TMEM255B: variants seen among roughly 807,000 people sequenced by gnomAD.
The protein encoded by TMEM255B is transmembrane protein 255B, also known as family with sequence similarity 70, member B.
A neutral mutation model predicts 34.5 loss-of-function variants in TMEM255B; 35 were observed. The ratio of observed to expected loss-of-function variants is 1.01; its 90% CI spans 0.77 to 1.34. The LOEUF is 1.34. TMEM255B is among the 40% of genes most tolerant of loss of function. The pLI, the probability that TMEM255B is intolerant of heterozygous loss-of-function variation, is 0.00. For missense variants in TMEM255B, 432 were observed against 433.2 expected (o/e 1.00, Z 0.02); for synonymous variants, 206 against 201.2 (o/e 1.02, Z -0.20).
chr13:113,800,595 C>T (rs899099852), intron 5 of TMEM255B, among the ~76,000 whole-genome samples: 11 of 152,112 alleles, frequency 7.2e-5, no homozygotes, highest in Non-Finnish European at 1.3e-4. Context: ...CTCTGAGCCC[C>T]GATTATCCGG....
Position 113,797,261 on chromosome 13 carries a change from G to A in TMEM255B, c.342+2024G>A, listed in dbSNP as rs543859781. On this transcript the variant is annotated intron_variant, in intron 4 of 8. Transcript: ENST00000375353. ...GGCCTCCCAGGGCTGACTTTAGGAC[G>A]GATGCGCAGACAGCACTCACTGGAG... Among the ~76,000 whole-genome samples the A allele has an allele frequency of 7.9e-5, 12 of 152,376 alleles. No individual in the cohort carries two copies. In the East Asian group the frequency reaches 9.7e-4, roughly 12 times the overall value.
At chr13:113,764,657 C>G (rs1056715715) in intron 1 of TMEM255B, among the ~76,000 whole-genome samples, 1 of 152,216 alleles carries the variant, frequency 6.6e-6, no homozygotes, top group Non-Finnish European at 1.5e-5. Context: ...CAGCGTGTGC[C>G]TCTGTCTGTC....
At chr13:113,793,553 G>A (rs1402323496) in intron 3 of TMEM255B, among the ~76,000 whole-genome samples, 1 of 152,288 alleles carries the variant, frequency 6.6e-6, no homozygotes, top group East Asian at 1.9e-4. Context: ...ACCCACCCAA[G>A]GACGCACTGA....
intron 3 of TMEM255B, among the ~76,000 whole-genome samples, chr13:113,786,025 G>C (rs1346363628): frequency 3.3e-5 from 5 of 152,180 alleles, no homozygotes; most frequent in Non-Finnish European, 7.3e-5. Flanking sequence ...ACAACGTGGG[G>C]TAAATGCAGG....
rs544927326 is a variant in TMEM255B at position 113,761,081 on chromosome 13, G to A, written c.46+1766G>A. Reference sequence around the variant, plus strand: ...CCCTGGGCATGTGTAAAATCAGGACGAAAGAGGAATTGACGGCTGAGTGAT... The same window carrying A: ...CCCTGGGCATGTGTAAAATCAGGACAAAAGAGGAATTGACGGCTGAGTGAT... On this transcript the variant is annotated intron_variant, in intron 1 of 8. Transcript: ENST00000375353. 4.3e-5 allele frequency: 29 copies of A among 669,768 alleles called. No homozygotes were observed. The African/African-American group carries it at 4.9e-4, about 11-fold the overall frequency. The allele number at this position is 669,768 out of a possible 1,614,324, so 41.5% of individuals were successfully genotyped here.
At chr13:113,811,071 C>T (rs1460042729) in intron 8 of TMEM255B, among the ~76,000 whole-genome samples, 1 of 152,048 alleles carries the variant, frequency 6.6e-6, no homozygotes. Context: ...CAAGGTTGTG[C>T]CAGTGAGGCC....
At chr13:113,788,625 G>C (rs919989026) in intron 3 of TMEM255B, among the ~76,000 whole-genome samples, 3 of 152,110 alleles carry the variant, frequency 2.0e-5, no homozygotes, top group Non-Finnish European at 2.9e-5. Flanking sequence ...TAACAGACCT[G>C]TGAGATGGAA....
At chr13:113,801,064 G>T in intron 6 of TMEM255B, 152 bp downstream of exon 6, 1 of 797,818 alleles carries the variant, frequency 1.3e-6, no homozygotes, top group African/African-American at 1.7e-5. Context: ...CCCCGTATGT[G>T]CCTGCAGGGG....
At chr13:113,792,844 T>C (rs985336868) in intron 3 of TMEM255B, among the ~76,000 whole-genome samples, 12 of 152,292 alleles carry the variant, frequency 7.9e-5, no homozygotes, top group Non-Finnish European at 1.2e-4. Context: ...GCATCTCAAC[T>C]TTCTTTTAGG....
rs117485378 is a variant in TMEM255B at position 113,770,179 on chromosome 13, G to A, written c.252+1019G>A. Among the ~76,000 whole-genome samples, 53 of 152,336 alleles carry A rather than the reference G, an allele frequency of 3.5e-4. No homozygotes were observed. The highest frequency in any genetic ancestry group is 7.1e-4 in the Non-Finnish European group (48 of 68,038). On this transcript the variant is annotated intron_variant, in intron 3 of 8. Coordinates refer to ENST00000375353, the MANE Select transcript of TMEM255B (RefSeq NM_182614.4). The surrounding 1 kb of genome is among the most constrained non-coding windows in gnomAD (Gnocchi z 4.6). The stretch of plus-strand genomic sequence containing the variant: ...GCTGGGGAAGCCTCACGATCACGGC[G>A]GAAGGTAAGGAGGAGCAAGTCCTGT...
chr13:113,781,185 C>T (rs2050661321), intron 3 of TMEM255B, among the ~76,000 whole-genome samples: 1 of 152,152 alleles, frequency 6.6e-6, no homozygotes, highest in African/African-American at 2.4e-5. Context: ...TAACTCTTTA[C>T]AATTTTTGTT....
In TMEM255B at chr13:113,807,680, G is replaced by A. The variant is rs552807926; in HGVS notation, c.813+2652G>A. Among the ~76,000 whole-genome samples the A allele has an allele frequency of 1.7e-4, 23 of 132,210 alleles. No homozygotes were observed. In the South Asian group the frequency reaches 2.5e-3, roughly 14 times the overall value. 86.7% of individuals were successfully genotyped at this position (132,210 alleles called of 152,430 possible). A position where few individuals can be genotyped will look rare whatever the true frequency, so the allele number is the denominator to read the frequency against. On this transcript the variant is annotated intron_variant, in intron 8 of 8. Transcript: ENST00000375353. ...CGGGATGTGGGGGGCGGTCCTCCCC[G>A]TCACACGCAGGCTTACGGGATGTGG...
chr13:113,790,619 T>TTGCTGCGC (rs1202780082), intron 3 of TMEM255B, among the ~76,000 whole-genome samples: 5 of 146,454 alleles, frequency 3.4e-5, no homozygotes, highest in African/African-American at 1.0e-4. Flanking sequence ...AGCACTGAAC[T>TTGCTGCGC]GACTGGACAC....
chr13:113,799,775 T>C, intron 5 of TMEM255B: 1 of 673,432 alleles, frequency 1.5e-6, no homozygotes, highest in Non-Finnish European at 2.8e-6. Context: ...TGGATTTCCC[T>C]GAGCCACCGA....
At chr13:113,782,870 G>A (rs1337265088) in intron 3 of TMEM255B, among the ~76,000 whole-genome samples, 1 of 152,174 alleles carries the variant, frequency 6.6e-6, no homozygotes, top group Non-Finnish European at 1.5e-5. Context: ...TTTTCTTTCG[G>A]GTTATCAGGA....
At chr13:113,799,654 T>C (rs1234030557) in intron 5 of TMEM255B, 1 of 645,694 alleles carries the variant, frequency 1.5e-6, no homozygotes, top group East Asian at 2.7e-5. Flanking sequence ...ATCACAACAG[T>C]CTCAGAGTGC....
Position 113,815,892 on chromosome 13 carries a change from G to A in TMEM255B, c.*3989G>A, listed in dbSNP as rs2051395714. 6.5e-6 allele frequency: 1 copy of A among 154,510 alleles called. No individual in the cohort carries two copies. 9.6% of individuals were successfully genotyped at this position (154,510 alleles called of 1,614,324 possible). ...ACGGGTGCTGAGGCTGTAACACACA[G>A]TGCTCAGGGAAGGACACCAGACATG... On this transcript the variant is annotated 3_prime_UTR_variant, in exon 9 of 9. Coordinates refer to ENST00000375353, the MANE Select transcript of TMEM255B (RefSeq NM_182614.4).
intron 3 of TMEM255B, among the ~76,000 whole-genome samples, chr13:113,773,270 T>C (rs915531257): frequency 1.3e-5 from 2 of 152,242 alleles, no homozygotes; most frequent in Admixed American, 1.3e-4. Context: ...CTGTTGACTT[T>C]GTATGTTGAT....
chr13:113,775,123 ATACAC>A (rs1438316414), intron 3 of TMEM255B, among the ~76,000 whole-genome samples: 5 of 149,900 alleles, frequency 3.3e-5, no homozygotes, highest in African/African-American at 5.0e-5. Flanking sequence ...ACTCCACACA[ATACAC>A]TACACACACC....
Sources: allele counts gnomAD v4.1 joint callset (sites outside exome capture counted in the v4.1 genomes callset), GRCh38; gene constraint gnomAD v4.1.1; non-coding constraint Gnocchi (gnomAD v3.1); transcripts MANE v1.5; gene names NCBI Gene and HGNC (gene_info 2026-07-23, HGNC 2026-07-21).